TSPAN14: variants seen among roughly 807,000 people sequenced by gnomAD.
The protein encoded by TSPAN14 is tetraspanin 14.
A neutral mutation model predicts 36.6 loss-of-function variants in TSPAN14; 16 were observed. The ratio of observed to expected loss-of-function variants is 0.44; its 90% confidence interval spans 0.30 to 0.66. The LOEUF is 0.66. TSPAN14 is among the 30% of genes least tolerant of loss of function. The pLI, the probability that TSPAN14 is intolerant of heterozygous loss-of-function variation, is 0.12. For missense variants in TSPAN14, 231 were observed against 355.1 expected (o/e 0.65, Z 2.81); for synonymous variants, 139 against 143.8 (o/e 0.97, Z 0.24).
intron 1 of TSPAN14, among the ~76,000 whole-genome samples, chr10:80,469,626 G>C (rs922768163): frequency 6.6e-6 from 1 of 152,132 alleles, no homozygotes; most frequent in Non-Finnish European, 1.5e-5. Context: ...TTTTCCAGCA[G>C]TTTCTCACCA....
At chr10:80,502,271 GC>G (rs1161583756) in intron 2 of TSPAN14, among the ~76,000 whole-genome samples, 1 of 152,208 alleles carries the variant, frequency 6.6e-6, no homozygotes, top group East Asian at 1.9e-4. Context: ...TGTGTGTGAA[GC>G]CTGGCTGCAG....
At chr10:80,493,365 A>G (rs1383712981) in intron 2 of TSPAN14, among the ~76,000 whole-genome samples, 1 of 152,236 alleles carries the variant, frequency 6.6e-6, no homozygotes, top group Non-Finnish European at 1.5e-5. Context: ...CAAAAGTTAA[A>G]AATAGAATTA....
At chr10:80,518,642 TCTC>T (rs1841086210) in exon 9 of TSPAN14, 2 of 153,104 alleles carry the variant, frequency 1.3e-5, no homozygotes, top group Admixed American at 6.5e-5. Flanking sequence ...CACCAGCTAT[TCTC>T]CTGGCGCCGG....
Position 80,479,041 on chromosome 10 carries a change from A to G in TSPAN14, c.-17-10176A>G, listed in dbSNP as rs187241507. 5.6e-3 allele frequency among the ~76,000 whole-genome samples: 847 copies of G among 152,334 alleles called. 8 individuals are homozygous for G. The highest frequency in any genetic ancestry group is 0.019 in the African/African-American group (769 of 41,560). ...TTTGATTTGCATTTCTCTGATGGCCAGTGATGGTGAGCATTTTTCCATGTG... is the reference window on the plus strand; with the variant it reads ...TTTGATTTGCATTTCTCTGATGGCCGGTGATGGTGAGCATTTTTCCATGTG... On this transcript the variant is annotated intron_variant, in intron 1 of 8. Transcript: ENST00000429989.
chr10:80,465,632 C>T (rs991890781), intron 1 of TSPAN14, among the ~76,000 whole-genome samples: 1 of 152,210 alleles, frequency 6.6e-6, no homozygotes, highest in African/African-American at 2.4e-5. Flanking sequence ...ACAGTGGGAA[C>T]AGAGAGAGGT....
chr10:80,477,861 A>G (rs1440353709), intron 1 of TSPAN14, among the ~76,000 whole-genome samples: 1 of 152,194 alleles, frequency 6.6e-6, no homozygotes, highest in African/African-American at 2.4e-5. Flanking sequence ...CCAGGCCCTT[A>G]TAGATGAAAA....
intron 3 of TSPAN14, among the ~76,000 whole-genome samples, chr10:80,506,381 TG>T (rs1840303779): frequency 6.6e-6 from 1 of 152,212 alleles, no homozygotes; most frequent in Admixed American, 6.5e-5. Flanking sequence ...TAATTGTCCC[TG>T]GGTCTTAGAT....
chr10:80,476,409 G>GTTTTTTT (rs60589813), intron 1 of TSPAN14, among the ~76,000 whole-genome samples: 10 of 85,066 alleles, frequency 1.2e-4, no homozygotes, highest in East Asian at 4.7e-4. Flanking sequence ...TTGTTTTACT[G>GTTTTTTT]TTTTTTTTTT....
chr10:80,487,271 A>G (rs1453220395), intron 1 of TSPAN14, among the ~76,000 whole-genome samples: 1 of 147,590 alleles, frequency 6.8e-6, no homozygotes, highest in Non-Finnish European at 1.5e-5. Context: ...GCCTAAGCTG[A>G]TACCTGATCT....
chr10:80,481,881 G>A (rs1032247904), intron 1 of TSPAN14, among the ~76,000 whole-genome samples: 1 of 152,052 alleles, frequency 6.6e-6, no homozygotes, highest in Non-Finnish European at 1.5e-5. Context: ...AGCCTCCCGA[G>A]TAGCTGGGAC....
chr10:80,470,595 C>T (rs1846491446), intron 1 of TSPAN14, among the ~76,000 whole-genome samples: 1 of 152,216 alleles, frequency 6.6e-6, no homozygotes, highest in Non-Finnish European at 1.5e-5. Flanking sequence ...TTCTTTGTGA[C>T]CTGTACAAAG....
chr10:80,515,402 C>T (rs1251281892), intron 7 of TSPAN14: 4 of 152,254 alleles, frequency 2.6e-5, no homozygotes, highest in Non-Finnish European at 5.9e-5. Flanking sequence ...TCCTGATCTC[C>T]TCCTCTTAGC....
intron 1 of TSPAN14, among the ~76,000 whole-genome samples, chr10:80,487,189 G>A (rs1044955995): frequency 2.6e-5 from 4 of 152,158 alleles, no homozygotes; most frequent in South Asian, 2.1e-4. Flanking sequence ...CTGCGAATCC[G>A]TGTGCTGCAC....
chr10:80,461,567 G>A (rs1049414370), intron 1 of TSPAN14, among the ~76,000 whole-genome samples: 10 of 152,172 alleles, frequency 6.6e-5, no homozygotes, highest in African/African-American at 1.9e-4. Flanking sequence ...AAGTGTGTGA[G>A]CAAAGAGGAA....
Position 80,504,680 on chromosome 10 carries a change from G to C in TSPAN14, c.82-48G>C, listed in dbSNP as rs764592664. 4 of 1,611,840 alleles carry C rather than the reference G, an allele frequency of 2.5e-6. No individual in the cohort carries two copies. In the South Asian group the frequency reaches 4.4e-5, roughly 18 times the overall value. ...TTGCTCTGTGAAGCATGTTCACAGT[G>C]CTGGTTTCCAACCTAACTTCCTTCT... On this transcript the variant is annotated intron_variant, in intron 2 of 8. Transcript: ENST00000429989.
intron 1 of TSPAN14, among the ~76,000 whole-genome samples, chr10:80,469,048 C>T (rs1564712368): frequency 6.6e-6 from 1 of 152,086 alleles, no homozygotes; most frequent in Non-Finnish European, 1.5e-5. Flanking sequence ...GTGCAGTGCA[C>T]AGCAGTTATT....
At chr10:80,454,870 C>T (rs370953629) in intron 1 of TSPAN14, among the ~76,000 whole-genome samples, 2 of 151,952 alleles carry the variant, frequency 1.3e-5, no homozygotes, top group Non-Finnish European at 2.9e-5. Flanking sequence ...TAGGCCGGGG[C>T]GGGCCGCCCC....
chr10:80,503,807 C>T (rs1297844818), intron 2 of TSPAN14, among the ~76,000 whole-genome samples: 2 of 152,052 alleles, frequency 1.3e-5, no homozygotes, highest in African/African-American at 4.8e-5. Context: ...CATAGAGAAG[C>T]GTGGTCCTGT....
At chr10:80,506,896 C>A (rs1840334129) in intron 3 of TSPAN14, among the ~76,000 whole-genome samples, 1 of 152,230 alleles carries the variant, frequency 6.6e-6, no homozygotes, top group Non-Finnish European at 1.5e-5. Context: ...ACCTGGGTGA[C>A]CAGTTTGACC....
Sources: allele counts gnomAD v4.1 joint callset (sites outside exome capture counted in the v4.1 genomes callset), GRCh38; gene constraint gnomAD v4.1.1; transcripts MANE v1.5; gene names NCBI Gene and HGNC (gene_info 2026-07-23, HGNC 2026-07-21).